ZNF609: variants seen among roughly 807,000 people sequenced by gnomAD.
The protein encoded by ZNF609 is zinc finger protein 609.
In ZNF609, 11 loss-of-function variants were observed where a neutral mutation model predicts 109.5. The ratio of observed to expected loss-of-function variants is 0.10; its 90% CI spans 0.06 to 0.17. The LOEUF (loss-of-function observed/expected upper bound fraction) is 0.17, where lower values mean the gene tolerates loss of function less well. ZNF609 is among the 10% of genes least tolerant of loss of function. The probability of loss-of-function intolerance (pLI) is 1.00; values close to 1 mark genes in which losing one functional copy is unlikely to be tolerated. For synonymous variants in ZNF609, 646 were observed against 662.0 expected, an observed-to-expected ratio of 0.98 and a Z score of 0.37; for missense variants, 1,559 against 1,772.4, an observed-to-expected ratio of 0.88 and a Z score of 2.16.
intron 4 of ZNF609, among the ~76,000 whole-genome samples, chr15:64,671,588 C>T (rs1947098796): frequency 6.6e-6 from 1 of 152,072 alleles, no homozygotes; most frequent in Non-Finnish European, 1.5e-5. Context: ...GCAATTTGAC[C>T]TTTAGATGGA....
At chr15:64,630,098 C>CT (rs773124227) in intron 3 of ZNF609, among the ~76,000 whole-genome samples, 2,409 of 136,858 alleles carry the variant, frequency 0.018, 19 homozygotes, top group South Asian at 0.039. Flanking sequence ...TTTCTTTTTT[C>CT]TTTTTTTTTT....
intron 2 of ZNF609, among the ~76,000 whole-genome samples, chr15:64,565,836 C>CTTTATTTTAT (rs146293124): frequency 4.0e-5 from 6 of 151,864 alleles, no homozygotes; most frequent in African/African-American, 1.2e-4. Flanking sequence ...AATTGAAGTA[C>CTTTATTTTAT]TTTATTTTAT....
chr15:64,476,356 T>C (rs1893170449), intron 1 of ZNF609, among the ~76,000 whole-genome samples: 1 of 151,238 alleles, frequency 6.6e-6, no homozygotes, highest in African/African-American at 2.4e-5. Flanking sequence ...CATAATAATA[T>C]ATAAAATTAG....
rs536497877 is a variant in ZNF609, at chr15:64,652,413, G to T, written c.974-17933G>T. Among the ~76,000 whole-genome samples, 101 of 149,370 alleles carry T rather than the reference G, an allele frequency of 6.8e-4. 1 individual carries two copies. The East Asian group carries it at 0.016, about 24-fold the overall frequency. On this transcript the variant is annotated intron_variant, in intron 3 of 9. Transcript: ENST00000326648. ...ATTTTTTTTTTTTTTTTGAGACAGG[G>T]TCTTACTCTGTCACCCAGGCTGGAG...
chr15:64,661,464 C>A (rs527666928), intron 3 of ZNF609, among the ~76,000 whole-genome samples: 1 of 152,224 alleles, frequency 6.6e-6, no homozygotes, highest in Admixed American at 6.5e-5. Flanking sequence ...CTGTACTTTA[C>A]CCTGGTTAGT....
Position 64,634,887 on chromosome 15 carries a change from C to T in ZNF609, c.973+11835C>T, listed in dbSNP as rs1286173515. 2.0e-5 allele frequency among the ~76,000 whole-genome samples: 3 copies of T among 152,104 alleles called. 1 individual carries two copies. In the South Asian group the frequency reaches 6.2e-4, roughly 32 times the overall value. On this transcript the variant is annotated intron_variant, in intron 3 of 9. Transcript: ENST00000326648. The stretch of plus-strand genomic sequence containing the variant: ...TCAGTACCTACTTTCTCCCACCCCT[C>T]CCCCACCAAAAACAACAGCCAACAC...
chr15:64,592,369 G>GA (rs1446901886), intron 2 of ZNF609, among the ~76,000 whole-genome samples: 1 of 152,118 alleles, frequency 6.6e-6, no homozygotes, highest in Non-Finnish European at 1.5e-5. Context: ...TTGGGGCCAG[G>GA]AATTTGAGAC....
intron 2 of ZNF609, among the ~76,000 whole-genome samples, chr15:64,580,598 TG>T (rs1401507985): frequency 1.3e-5 from 2 of 151,014 alleles, no homozygotes; most frequent in African/African-American, 4.9e-5. Context: ...TCGCCTAGGC[TG>T]GAGTGTAGTG....
chr15:64,484,845 T>G (rs1396691681), intron 1 of ZNF609, among the ~76,000 whole-genome samples: 60 of 132,966 alleles, frequency 4.5e-4, no homozygotes, highest in Middle Eastern at 5.5e-3. Context: ...ATGGTGGCGC[T>G]TGCCTGTAGT....
chr15:64,676,376 A>G, intron 5 of ZNF609, 120 bp downstream of exon 5: 2 of 832,904 alleles, frequency 2.4e-6, no homozygotes, highest in Non-Finnish European at 3.6e-6. Context: ...AGAGATGTAT[A>G]ATTTTAAGGA....
chr15:64,575,438 A>C (rs879382893), intron 2 of ZNF609, among the ~76,000 whole-genome samples: 1 of 151,572 alleles, frequency 6.6e-6, no homozygotes, highest in Non-Finnish European at 1.5e-5. Flanking sequence ...AAAAGGAAGA[A>C]GAGGGGAAAA....
chr15:64,645,262 T>C (rs758218183), intron 3 of ZNF609, among the ~76,000 whole-genome samples: 6 of 151,876 alleles, frequency 4.0e-5, no homozygotes, highest in Non-Finnish European at 8.8e-5. Context: ...GGCTAATTTT[T>C]CTATTTTTTG....
intron 2 of ZNF609, among the ~76,000 whole-genome samples, chr15:64,562,633 A>C (rs1012924116): frequency 6.6e-6 from 1 of 152,152 alleles, no homozygotes; most frequent in African/African-American, 2.4e-5. Context: ...TCTCAAGTTT[A>C]GTAGTGCTAG....
At position 64,674,552 on chromosome 15, in the gene ZNF609, C is replaced by A. The variant is rs1896780778; in HGVS notation, c.1698C>A (p.Thr566=). 3.7e-6 allele frequency: 6 copies of A among 1,614,058 alleles called. No homozygotes were observed. The highest frequency in any genetic ancestry group is 5.1e-6 in the Non-Finnish European group (6 of 1,180,024). Residue 566 remains threonine, a synonymous_variant, in exon 5 of 10, where the codon ACC becomes ACA. Coordinates refer to ENST00000326648, the MANE Select transcript of ZNF609 (RefSeq NM_015042.2). ...KGSLSPARSA[T]PKVRLVEPHS... is the part of the protein sequence containing the mutation. ...CCTTGTCCCCTGCCCGCTCAGCTAC[C>A]CCCAAAGTTCGACTTGTAGAGCCCC...
chr15:64,642,151 A>G (rs1309335412), intron 3 of ZNF609, among the ~76,000 whole-genome samples: 1 of 152,132 alleles, frequency 6.6e-6, no homozygotes, highest in Admixed American at 6.5e-5. Flanking sequence ...TGCAGCAACA[A>G]ATTTGGAGCT....
chr15:64,635,841 C>G (rs767886022), intron 3 of ZNF609, among the ~76,000 whole-genome samples: 1 of 148,286 alleles, frequency 6.7e-6, no homozygotes, highest in Non-Finnish European at 1.5e-5. Flanking sequence ...GAACTAACTC[C>G]ATTTCTCTCT....
At chr15:64,663,382 T>A (rs190360551) in intron 3 of ZNF609, among the ~76,000 whole-genome samples, 10 of 152,098 alleles carry the variant, frequency 6.6e-5, no homozygotes, top group Non-Finnish European at 1.2e-4. Context: ...TTACCTCAGA[T>A]AGGGAGAATT....
At chr15:64,578,353 C>G (rs191857477) in intron 2 of ZNF609, among the ~76,000 whole-genome samples, 42 of 152,102 alleles carry the variant, frequency 2.8e-4, no homozygotes, top group Admixed American at 2.5e-3. Context: ...GTTGCTCCCT[C>G]TCATTCTTTA....
intron 2 of ZNF609, among the ~76,000 whole-genome samples, chr15:64,613,246 G>A (rs1895745494): frequency 6.6e-6 from 1 of 151,980 alleles, no homozygotes; most frequent in African/African-American, 2.4e-5. Flanking sequence ...GCTTGAGCCT[G>A]AGAGGTCAAG....
Sources: gnomAD v4.1 joint callset for allele counts (sites outside exome capture counted in the v4.1 genomes callset) on GRCh38, gnomAD v4.1.1 for gene constraint, MANE v1.5 for transcripts, NCBI Gene and HGNC (gene_info 2026-07-23, HGNC 2026-07-21) for gene names.